Variants in RALGPS2 observed in about 807,000 individuals in gnomAD.
The protein encoded by RALGPS2 is Ral GEF with PH domain and SH3 binding motif 2.
In RALGPS2, 43 loss-of-function variants were observed where a neutral mutation model predicts 86.8. The ratio of observed to expected loss-of-function variants is 0.50; its 90% CI spans 0.39 to 0.64. The LOEUF (loss-of-function observed/expected upper bound fraction) is 0.64, where lower values mean the gene tolerates loss of function less well. Among genes scored for constraint, RALGPS2 ranks in the 30% least tolerant of loss-of-function variants. The pLI, the probability that RALGPS2 is intolerant of heterozygous loss-of-function variation, is 0.00. For synonymous variants in RALGPS2, 243 were observed against 231.3 expected, an observed-to-expected ratio of 1.05 and a Z score of -0.46; for missense variants, 536 against 694.6, an observed-to-expected ratio of 0.77 and a Z score of 2.57.
chr1:178,743,175 A>G (rs1439737026), intron 1 of RALGPS2, among the ~76,000 whole-genome samples: 2 of 152,244 alleles, frequency 1.3e-5, no homozygotes, highest in Admixed American at 1.3e-4. Flanking sequence ...ATGCCACTGT[A>G]GCTTGGGGCA....
intron 8 of RALGPS2, among the ~76,000 whole-genome samples, chr1:178,864,023 T>C (rs1658215078): frequency 6.6e-6 from 1 of 152,230 alleles, no homozygotes; most frequent in Admixed American, 6.5e-5. Flanking sequence ...GGGTTTTCCC[T>C]TCCACTCTAA....
intron 6 of RALGPS2, among the ~76,000 whole-genome samples, chr1:178,815,084 A>G: frequency 6.7e-6 from 1 of 150,354 alleles, no homozygotes; most frequent in South Asian, 2.1e-4. Context: ...GTTTGTTTTT[A>G]TTTATTTATT....
rs546851792 is a variant in RALGPS2, at chr1:178,737,369, G to A, written c.-84+11950G>A. On this transcript the variant is annotated intron_variant, in intron 1 of 19. Coordinates refer to ENST00000367635, the MANE Select transcript of RALGPS2 (RefSeq NM_152663.5). ...TCAAGCAATTCTCTGCCTCAGCCTCGCGAGTAGCTGGGATTACAGGCGCCT... is the reference window on the plus strand; with the variant it reads ...TCAAGCAATTCTCTGCCTCAGCCTCACGAGTAGCTGGGATTACAGGCGCCT... Among the ~76,000 whole-genome samples, 102 of 152,006 alleles carry A rather than the reference G, an allele frequency of 6.7e-4. 1 individual carries two copies. The highest frequency in any genetic ancestry group is 2.4e-3 in the African/African-American group (99 of 41,464).
chr1:178,891,802 T>C (rs1002903387), intron 14 of RALGPS2, among the ~76,000 whole-genome samples: 2 of 152,050 alleles, frequency 1.3e-5, no homozygotes, highest in Non-Finnish European at 2.9e-5. Flanking sequence ...CTTTTAGGTG[T>C]CTTCATAGGG....
chr1:178,776,185 C>T (rs1008646133), intron 1 of RALGPS2, among the ~76,000 whole-genome samples: 1 of 152,078 alleles, frequency 6.6e-6, no homozygotes, highest in Non-Finnish European at 1.5e-5. Flanking sequence ...CCCATGGATA[C>T]TGAGAGATGA....
At chr1:178,789,723 G>A (rs2102141443) in intron 4 of RALGPS2, among the ~76,000 whole-genome samples, 1 of 152,300 alleles carries the variant, frequency 6.6e-6, no homozygotes, top group South Asian at 2.1e-4. Context: ...TATCAAGAGA[G>A]TGAATACAGG....
intron 1 of RALGPS2, among the ~76,000 whole-genome samples, chr1:178,735,195 A>G (rs1475206277): frequency 6.6e-6 from 1 of 152,190 alleles, no homozygotes; most frequent in Non-Finnish European, 1.5e-5. Context: ...CTCAGCAAAC[A>G]TGGGTGACTA....
chr1:178,806,251 T>C (rs1223426308), intron 4 of RALGPS2, among the ~76,000 whole-genome samples: 1 of 152,156 alleles, frequency 6.6e-6, no homozygotes, highest in African/African-American at 2.4e-5. Context: ...ATGTCTGTAG[T>C]CTACTTTCAG....
chr1:178,838,380 C>T (rs956660010), intron 8 of RALGPS2, among the ~76,000 whole-genome samples: 8 of 152,214 alleles, frequency 5.3e-5, no homozygotes, highest in African/African-American at 1.2e-4. Context: ...ATTCACTGTT[C>T]TGCAGCCTCC....
chr1:178,827,699 C>G (rs1558137368), intron 7 of RALGPS2, among the ~76,000 whole-genome samples: 1 of 152,124 alleles, frequency 6.6e-6, no homozygotes, highest in South Asian at 2.1e-4. Flanking sequence ...CCGGCCCATA[C>G]TCTCTGATTT....
At chr1:178,761,722 G>A (rs146565559) in intron 1 of RALGPS2, among the ~76,000 whole-genome samples, 5,339 of 151,840 alleles carry the variant, frequency 0.035, 165 homozygotes, top group East Asian at 0.091. Flanking sequence ...CATCACACCT[G>A]GCTAATTTTT....
At chr1:178,909,384 T>A (rs1286337677) in intron 19 of RALGPS2, among the ~76,000 whole-genome samples, 16 of 152,214 alleles carry the variant, frequency 1.1e-4, no homozygotes, top group Non-Finnish European at 2.1e-4. Flanking sequence ...TACTTAGAAT[T>A]GCTTTAGCTA....
At chr1:178,811,450 A>G (rs1314731748) in intron 6 of RALGPS2, 46 bp downstream of exon 6, 1 of 1,281,418 alleles carries the variant, frequency 7.8e-7, no homozygotes, top group Non-Finnish European at 1.1e-6. Context: ...CCATTCATAA[A>G]TGTTTGTAAG....
At chr1:178,775,403 T>C (rs564450381) in intron 1 of RALGPS2, among the ~76,000 whole-genome samples, 24 of 152,174 alleles carry the variant, frequency 1.6e-4, no homozygotes, top group Non-Finnish European at 2.4e-4. Context: ...GAATGTAGCA[T>C]AGAGTACCTA....
chr1:178,741,475 T>A (rs1200305690), intron 1 of RALGPS2, among the ~76,000 whole-genome samples: 1 of 152,264 alleles, frequency 6.6e-6, no homozygotes, highest in African/African-American at 2.4e-5. Context: ...CTGTTTCTTT[T>A]ATGTTTTTCT....
rs148206579 is a variant in RALGPS2 at position 178,912,364 on chromosome 1, C to T, written c.1723-3966C>T. 3.4e-4 allele frequency among the ~76,000 whole-genome samples: 52 copies of T among 152,274 alleles called. No homozygotes were observed. The East Asian group carries it at 0.01, about 29-fold the overall frequency. ...ACATGTAGCACTCCTTAAAGGACCT[C>T]TTGTAAGGCAAGTCTGATGATAGTG... On this transcript the variant is annotated intron_variant, in intron 19 of 19. Transcript: ENST00000367635.
intron 6 of RALGPS2, 90 bp downstream of exon 6, chr1:178,811,494 T>C (rs888584756): frequency 2.1e-5 from 20 of 942,658 alleles, no homozygotes; most frequent in Middle Eastern, 2.3e-4. Flanking sequence ...ATTCACTGTT[T>C]ATTGATACTG....
chr1:178,912,812 C>T (rs1660674180), intron 19 of RALGPS2, among the ~76,000 whole-genome samples: 1 of 152,152 alleles, frequency 6.6e-6, no homozygotes, highest in Non-Finnish European at 1.5e-5. Flanking sequence ...TGCAGTAACA[C>T]CAGTGAGTCA....
chr1:178,879,047 C>G, intron 10 of RALGPS2, 55 bp downstream of exon 10: 1 of 1,584,618 alleles, frequency 6.3e-7, no homozygotes, highest in Non-Finnish European at 8.6e-7. Flanking sequence ...CTCCACCTTT[C>G]TATCCCTATG....
Sources: allele counts gnomAD v4.1 joint callset (sites outside exome capture counted in the v4.1 genomes callset), GRCh38; gene constraint gnomAD v4.1.1; transcripts MANE v1.5; gene names NCBI Gene and HGNC (gene_info 2026-07-23, HGNC 2026-07-21).